CDH13: variants seen among roughly 807,000 people sequenced by gnomAD.
The protein encoded by CDH13 is cadherin-13.
Under a neutral mutation model 63.8 loss-of-function variants are expected in CDH13, and 24 were observed. The observed-to-expected ratio is 0.38, with a 90% CI of 0.27 to 0.53. The LOEUF (loss-of-function observed/expected upper bound fraction) is 0.53, where lower values mean the gene tolerates loss of function less well. Ranked by LOEUF, CDH13 falls within the 20% of genes least tolerant of loss-of-function variation. The pLI, the probability that CDH13 is intolerant of heterozygous loss-of-function variation, is 0.85. For missense variants in CDH13, 1,049 were observed against 903.1 expected (o/e 1.16, Z -2.07); for synonymous variants, 503 against 355.3 (o/e 1.42, Z -4.67).
intron 2 of CDH13, among the ~76,000 whole-genome samples, chr16:82,945,474 C>G (rs954633960): frequency 6.6e-6 from 1 of 152,168 alleles, no homozygotes; most frequent in African/African-American, 2.4e-5. Flanking sequence ...GGGTGCTAAA[C>G]GACTTTCTGC....
intron 5 of CDH13, among the ~76,000 whole-genome samples, chr16:83,319,914 G>A (rs899235723): frequency 1.3e-5 from 2 of 152,192 alleles, no homozygotes; most frequent in African/African-American, 4.8e-5. Context: ...TAAATGAAAT[G>A]ATTAATACAG....
chr16:82,696,067 A>G (rs1035743373), intron 1 of CDH13, among the ~76,000 whole-genome samples: 40 of 152,152 alleles, frequency 2.6e-4, no homozygotes, highest in Admixed American at 2.6e-4. Flanking sequence ...CTTTCTGTAA[A>G]CTAGATGTGC....
intron 5 of CDH13, among the ~76,000 whole-genome samples, chr16:83,228,214 G>A (rs1466882629): frequency 6.6e-6 from 1 of 152,200 alleles, no homozygotes; most frequent in African/African-American, 2.4e-5. Flanking sequence ...TATGTTTTTA[G>A]TTGTCACAAC....
intron 2 of CDH13, among the ~76,000 whole-genome samples, chr16:83,019,390 C>G (rs780176126): frequency 6.6e-6 from 1 of 151,810 alleles, no homozygotes; most frequent in Non-Finnish European, 1.5e-5. Context: ...ACTGAAAGGT[C>G]TTTAGGGGTT....
At chr16:83,071,976 G>A (rs1167644339) in intron 3 of CDH13, among the ~76,000 whole-genome samples, 1 of 151,850 alleles carries the variant, frequency 6.6e-6, no homozygotes, top group Non-Finnish European at 1.5e-5. Flanking sequence ...ATAATTTAAA[G>A]CACATATGCA....
intron 1 of CDH13, among the ~76,000 whole-genome samples, chr16:82,741,973 A>G (rs2033951585): frequency 6.6e-6 from 1 of 152,236 alleles, no homozygotes; most frequent in African/African-American, 2.4e-5. Context: ...AAAAAATTAC[A>G]TAGGATTGCT....
chr16:82,979,608 C>T (rs1236618025), intron 2 of CDH13, among the ~76,000 whole-genome samples: 3 of 152,200 alleles, frequency 2.0e-5, no homozygotes, highest in South Asian at 4.1e-4. Flanking sequence ...TTTGCTTCCT[C>T]TTCCACCATG....
At chr16:83,667,027 ATGGG>A (rs1251574472) in intron 8 of CDH13, among the ~76,000 whole-genome samples, 77 of 47,462 alleles carry the variant, frequency 1.6e-3, no homozygotes, top group South Asian at 3.9e-3. Context: ...GGATGGATGG[ATGGG>A]TGGATGGATG....
At chr16:82,692,814 A>ATTGG (rs3041882) in intron 1 of CDH13, among the ~76,000 whole-genome samples, 139,819 of 152,028 alleles carry the variant, frequency 0.92, 64,433 homozygotes, top group East Asian at 0.98. Context: ...CTGCACAGGC[A>ATTGG]TTTTTAGTAT....
At chr16:82,849,801 A>G (rs1464865054) in intron 1 of CDH13, among the ~76,000 whole-genome samples, 1 of 152,202 alleles carries the variant, frequency 6.6e-6, no homozygotes, top group East Asian at 1.9e-4. Context: ...GCCCTTAAGA[A>G]TTGTGCTGAA....
At chr16:83,581,292 C>G (rs1905574707) in intron 7 of CDH13, among the ~76,000 whole-genome samples, 1 of 152,224 alleles carries the variant, frequency 6.6e-6, no homozygotes, top group African/African-American at 2.4e-5. Flanking sequence ...TAAACAGCTA[C>G]TCTTCCTTAA....
At chr16:83,334,044 T>C (rs1195194505) in intron 5 of CDH13, among the ~76,000 whole-genome samples, 2 of 152,030 alleles carry the variant, frequency 1.3e-5, no homozygotes, top group African/African-American at 4.8e-5. Context: ...GAAAAACCCA[T>C]TTCCTTGCCT....
At chr16:83,532,555 T>A (rs780353519) in intron 7 of CDH13, among the ~76,000 whole-genome samples, 1 of 152,246 alleles carries the variant, frequency 6.6e-6, no homozygotes, top group Non-Finnish European at 1.5e-5. Flanking sequence ...TCAGCGCTAG[T>A]GCATGGTAGC....
intron 2 of CDH13, among the ~76,000 whole-genome samples, chr16:82,926,832 T>C (rs2042317930): frequency 6.6e-6 from 1 of 152,232 alleles, no homozygotes; most frequent in African/African-American, 2.4e-5. Flanking sequence ...GATGAAGATG[T>C]TGTATTAATA....
In CDH13 at chr16:83,424,615, C is replaced by T. The variant is rs115508838; in HGVS notation, c.782-61862C>T. Among the ~76,000 whole-genome samples, 571 of 151,972 alleles carry T rather than the reference C, an allele frequency of 3.8e-3. 4 individuals are homozygous for T. Among genetic ancestry groups the T allele is most frequent in the African/African-American group, 0.013 (545 of 41,432 alleles). ...ATTAATTTTGGAAGGGTCACTAAGC[C>T]CCCTCAAAAATAAAAAGGAAGAAAT... is the stretch of plus-strand genomic sequence containing the variant. On this transcript the variant is annotated intron_variant, in intron 6 of 13. Transcript: ENST00000567109.
At position 83,705,595 on chromosome 16, in the gene CDH13, G is replaced by A. The variant is rs191633987; in HGVS notation, c.1538+27134G>A. ...CGAGATCACGCCACTGCACTCCAGC[G>A]TGGGGGCCAGAGGGAGACTCCGTCT... On this transcript the variant is annotated intron_variant, in intron 10 of 13. Coordinates refer to ENST00000567109, the MANE Select transcript of CDH13 (RefSeq NM_001257.5). Among the ~76,000 whole-genome samples the A allele has an allele frequency of 1.4e-4, 22 of 152,316 alleles. No homozygotes were observed. In the East Asian group the frequency reaches 3.5e-3, roughly 24 times the overall value.
At chr16:82,780,483 C>T (rs1297677587) in intron 1 of CDH13, among the ~76,000 whole-genome samples, 2 of 152,216 alleles carry the variant, frequency 1.3e-5, no homozygotes, top group East Asian at 3.8e-4. Flanking sequence ...ACTGACTCTT[C>T]CCCTCTGCAG....
chr16:82,762,183 C>G (rs1331592050), intron 1 of CDH13, among the ~76,000 whole-genome samples: 1 of 152,188 alleles, frequency 6.6e-6, no homozygotes, highest in Non-Finnish European at 1.5e-5. Flanking sequence ...CCCTGCTACT[C>G]TCTCTTCCCA....
Position 82,712,446 on chromosome 16 carries a change from G to T in CDH13, c.45+85309G>T, listed in dbSNP as rs140780613. On this transcript the variant is annotated intron_variant, in intron 1 of 13. Coordinates refer to ENST00000567109, the MANE Select transcript of CDH13 (RefSeq NM_001257.5). ...GGGAGGCATAATATCAGCACCTTGC[G>T]TATTCTTCTCCATGGTAATAAATCG... 6.1e-4 allele frequency among the ~76,000 whole-genome samples: 93 copies of T among 152,190 alleles called. 1 individual carries two copies. Among genetic ancestry groups the T allele is most frequent in the African/African-American group, 2.0e-3 (85 of 41,522 alleles).
Sources: allele counts gnomAD v4.1 joint callset (sites outside exome capture counted in the v4.1 genomes callset), GRCh38; gene constraint gnomAD v4.1.1; transcripts MANE v1.5; gene names NCBI Gene and HGNC (gene_info 2026-07-23, HGNC 2026-07-21).